The following GAS5 variants were observed in gnomAD, a reference collection of about 807,000 sequenced individuals.
The protein encoded by GAS5 is growth arrest specific 5 (non-protein coding).
chr1:173,868,260 G>C (rs1437037970), upstream of GAS5: 1 of 153,092 alleles, frequency 6.5e-6, no homozygotes, highest in Non-Finnish European at 1.5e-5. Context: ...CGCGAGGCAA[G>C]GAAAGCTCTG....
intron 3 of GAS5, chr1:173,866,363 T>C (rs9425427): frequency 0.03 from 15,898 of 529,282 alleles, 1,864 homozygotes; most frequent in African/African-American, 0.26. Context: ...GCAACCATCA[T>C]AGTATCTGTT....
intron 6 of GAS5, chr1:173,864,465 G>A (rs1186585324): frequency 5.8e-6 from 3 of 516,082 alleles, no homozygotes; most frequent in African/African-American, 1.9e-5. Context: ...ATCATCACAT[G>A]TACCAAAAGC....
chr1:173,867,339 G>GT (rs1654904731), upstream of GAS5: 4 of 396,714 alleles, frequency 1.0e-5, no homozygotes, highest in South Asian at 1.2e-4. Context: ...CGCCAACATG[G>GT]TGAAACCCCG....
intron 3 of GAS5, chr1:173,866,502 A>AG (rs1654676597): frequency 1.5e-6 from 1 of 674,712 alleles, no homozygotes; most frequent in African/African-American, 1.8e-5. Flanking sequence ...CTTAAAAGTG[A>AG]GAAGTACAAA....
At chr1:173,867,214 C>G (rs1654874893), upstream of GAS5, 1 of 539,612 alleles carries the variant, frequency 1.9e-6, no homozygotes, top group Admixed American at 3.5e-5. Context: ...GCACTGCACC[C>G]GCAGTTAAGA....
chr1:173,866,365 G>C (rs765742878), intron 3 of GAS5: 3 of 530,316 alleles, frequency 5.7e-6, no homozygotes, highest in Non-Finnish European at 1.1e-5. Context: ...AACCATCATA[G>C]TATCTGTTTT....
chr1:173,866,972 T>C (rs1654810266), intron 1 of GAS5: 3 of 765,392 alleles, frequency 3.9e-6, no homozygotes, highest in African/African-American at 3.4e-5. Flanking sequence ...CTTCCCACCA[T>C]ACTTTCCCCA....
At chr1:173,868,018 A>G (rs1421724420), upstream of GAS5, 3 of 212,826 alleles carry the variant, frequency 1.4e-5, no homozygotes, top group Non-Finnish European at 3.0e-5. Context: ...TCCTGTATAT[A>G]AGAGTTCTTT....
intron 5 of GAS5, chr1:173,865,743 C>T (rs768135323): frequency 4.4e-5 from 23 of 519,024 alleles, no homozygotes; most frequent in Middle Eastern, 3.2e-4. Context: ...CAGACATGCT[C>T]AAGGAAAATA....
At chr1:173,866,525 C>G in intron 3 of GAS5, 2 of 711,698 alleles carry the variant, frequency 2.8e-6, no homozygotes, top group South Asian at 2.9e-5. Context: ...AGAGGTGTCT[C>G]ACCTGTGTGC....
At chr1:173,865,639 T>G (rs1474000001) in intron 5 of GAS5, 3 of 519,256 alleles carry the variant, frequency 5.8e-6, no homozygotes, top group South Asian at 4.2e-5. Flanking sequence ...GTGTTACCTT[T>G]GTCTACATGC....
upstream of GAS5, chr1:173,867,190 AAT>A: frequency 3.6e-6 from 2 of 560,878 alleles, no homozygotes; most frequent in Non-Finnish European, 6.3e-6. Flanking sequence ...GGATACACTT[AAT>A]GTTACAAAGA....
chr1:173,865,331 C>A, intron 6 of GAS5: 1 of 493,582 alleles, frequency 2.0e-6, no homozygotes. Flanking sequence ...AGGTGGATTT[C>A]TAAAAGATTT....
chr1:173,865,657 A>G (rs746509971), intron 5 of GAS5: 2 of 519,242 alleles, frequency 3.9e-6, no homozygotes, highest in South Asian at 1.4e-5. Context: ...TGCTCATTTC[A>G]GGTCAGACAT....
chr1:173,866,546 A>G, exon 3 of GAS5: 1 of 739,532 alleles, frequency 1.4e-6, no homozygotes, highest in Non-Finnish European at 2.5e-6. Flanking sequence ...CAATGGCTTG[A>G]GTTAGGCTTG....
chr1:173,868,501 C>T (rs1433808756), upstream of GAS5: 3 of 153,458 alleles, frequency 2.0e-5, no homozygotes, highest in African/African-American at 7.2e-5. Flanking sequence ...CAGCGCGCTC[C>T]TGGGGCGCTC....
intron 5 of GAS5, chr1:173,865,581 T>G: frequency 1.9e-6 from 1 of 518,958 alleles, no homozygotes; most frequent in Non-Finnish European, 3.8e-6. Flanking sequence ...ATTAAAATGC[T>G]AAACATCATT....
At chr1:173,864,530 C>A in intron 6 of GAS5, 2 of 419,478 alleles carry the variant, frequency 4.8e-6, no homozygotes, top group South Asian at 1.7e-5. Flanking sequence ...AAAAATAATA[C>A]CCATTTAAAA....
intron 6 of GAS5, chr1:173,864,490 TAGGATAA>T: frequency 2.0e-6 from 1 of 505,300 alleles, no homozygotes; most frequent in East Asian, 5.5e-5. Flanking sequence ...TCACCTAGTT[TAGGATAA>T]CAGGTCTGCC....
Sources: allele counts gnomAD v4.1 joint callset, GRCh38; gene constraint gnomAD v4.1.1; transcripts MANE v1.5; gene names NCBI Gene and HGNC (gene_info 2026-07-23, HGNC 2026-07-21).